The following NME7 variants were observed in gnomAD, a reference collection of about 807,000 sequenced individuals.
NME7 encodes NME/NM23 family member 7.
A neutral mutation model predicts 49.1 loss-of-function variants in NME7; 41 were observed. The ratio of observed to expected loss-of-function variants is 0.83; its 90% confidence interval spans 0.65 to 1.08. The LOEUF is 1.08. Among genes scored for constraint, NME7 ranks in the 50% least tolerant of loss-of-function variants. The pLI is 0.00. For missense variants in NME7, 423 were observed against 463.4 expected, an observed-to-expected ratio of 0.91 and a Z score of 0.80; for synonymous variants, 139 against 150.6, an observed-to-expected ratio of 0.92 and a Z score of 0.56.
chr1:169,197,582 A>G (rs763242664), intron 10 of NME7, among the ~76,000 whole-genome samples: 1 of 152,190 alleles, frequency 6.6e-6, no homozygotes. Context: ...CTGATTTTCA[A>G]CAAAGTTGCC....
intron 10 of NME7, among the ~76,000 whole-genome samples, chr1:169,200,266 A>G (rs1022440548): frequency 6.6e-6 from 1 of 152,150 alleles, no homozygotes. Flanking sequence ...TTTACCAAGA[A>G]TATCATTAAA....
intron 1 of NME7, among the ~76,000 whole-genome samples, chr1:169,350,221 GA>G (rs1364493133): frequency 1.2e-4 from 6 of 51,744 alleles, no homozygotes; most frequent in African/African-American, 4.7e-4. Context: ...AAGAAAGGGA[GA>G]AAAGAAAGAA....
chr1:169,193,423 C>A (rs1660290107), intron 10 of NME7, among the ~76,000 whole-genome samples: 1 of 152,150 alleles, frequency 6.6e-6, no homozygotes, highest in South Asian at 2.1e-4. Flanking sequence ...TGAACTGAAA[C>A]ATGGCACTGG....
At chr1:169,138,974 C>A (rs1658512203) in intron 11 of NME7, among the ~76,000 whole-genome samples, 1 of 152,108 alleles carries the variant, frequency 6.6e-6, no homozygotes. Flanking sequence ...CATTATCTAG[C>A]CCCTTTTGCC....
chr1:169,186,330 G>C (rs957840852), intron 10 of NME7, among the ~76,000 whole-genome samples: 1 of 152,086 alleles, frequency 6.6e-6, no homozygotes, highest in Non-Finnish European at 1.5e-5. Flanking sequence ...TATTTGGACA[G>C]GCTTCATAGG....
At chr1:169,310,435 TA>T (rs1453663639) in intron 3 of NME7, among the ~76,000 whole-genome samples, 1 of 152,210 alleles carries the variant, frequency 6.6e-6, no homozygotes, top group Non-Finnish European at 1.5e-5. Flanking sequence ...TTGCATTAAA[TA>T]TATTATGAGC....
At chr1:169,355,699 T>C (rs1052708556) in intron 1 of NME7, among the ~76,000 whole-genome samples, 2 of 152,054 alleles carry the variant, frequency 1.3e-5, no homozygotes, top group South Asian at 2.1e-4. Flanking sequence ...TCCACTCATA[T>C]GTCAGCAATG....
chr1:169,162,276 CTG>C (rs1659272326), intron 11 of NME7, among the ~76,000 whole-genome samples: 1 of 152,078 alleles, frequency 6.6e-6, no homozygotes. Flanking sequence ...CTGATTTTCT[CTG>C]TGCAGGGGGC....
chr1:169,253,212 T>C lies in NME7; in HGVS notation c.755-15525A>G, dbSNP rs1336244958. 9.7e-3 allele frequency among the ~76,000 whole-genome samples: 1,448 copies of C among 148,884 alleles called. 12 individuals carry two copies. The highest frequency in any genetic ancestry group is 0.034 in the African/African-American group (1,380 of 40,668). ...CCCATGAGCATGGAATGTTCTTCCA[T>C]TTGTTTGTATCCTCTTTTATTTCCT... On this transcript the variant is annotated intron_variant, in intron 7 of 11. Coordinates refer to ENST00000367811, the MANE Select transcript of NME7 (RefSeq NM_013330.5).
chr1:169,360,893 G>T (rs1366478200), intron 1 of NME7, among the ~76,000 whole-genome samples: 1 of 152,126 alleles, frequency 6.6e-6, no homozygotes, highest in East Asian at 1.9e-4. Flanking sequence ...AACAATTAAA[G>T]AGTTTTATCA....
chr1:169,224,983 G>A (rs765800880), intron 10 of NME7, among the ~76,000 whole-genome samples: 6 of 152,062 alleles, frequency 3.9e-5, no homozygotes, highest in Non-Finnish European at 8.8e-5. Context: ...TCAGGTGCTT[G>A]GGCAAAGTTT....
chr1:169,167,772 G>A (rs1047273114), intron 11 of NME7, among the ~76,000 whole-genome samples: 3 of 152,146 alleles, frequency 2.0e-5, no homozygotes, highest in Non-Finnish European at 4.4e-5. Context: ...ATGAATACCA[G>A]CCTATTGGAG....
chr1:169,290,665 C>T (rs12124064), intron 6 of NME7, among the ~76,000 whole-genome samples: 37,766 of 151,842 alleles, frequency 0.25, 5,603 homozygotes, highest in Non-Finnish European at 0.34. Context: ...TTGACAAATG[C>T]GATCTAATTA....
intron 11 of NME7, among the ~76,000 whole-genome samples, chr1:169,162,669 C>A (rs545084789): frequency 1.3e-5 from 2 of 150,212 alleles, no homozygotes; most frequent in South Asian, 4.1e-4. Flanking sequence ...CACGATGAGA[C>A]CCCATCTTTA....
intron 7 of NME7, among the ~76,000 whole-genome samples, chr1:169,275,152 G>T (rs1374453758): frequency 7.6e-6 from 1 of 131,564 alleles, no homozygotes; most frequent in African/African-American, 2.6e-5. Context: ...CTGAGCAATG[G>T]TTTGTAGTTC....
chr1:169,226,281 G>C (rs1012766650), intron 10 of NME7, among the ~76,000 whole-genome samples: 25 of 152,094 alleles, frequency 1.6e-4, no homozygotes, highest in Non-Finnish European at 4.4e-5. Context: ...TCTCTTCCTA[G>C]AGCTAGATCA....
At chr1:169,206,469 T>C (rs1157618420) in intron 10 of NME7, among the ~76,000 whole-genome samples, 2 of 152,052 alleles carry the variant, frequency 1.3e-5, no homozygotes, top group African/African-American at 4.8e-5. Context: ...AGGAAGAAGC[T>C]GTCTTGGGTT....
Position 169,298,712 on chromosome 1 carries a change from T to C in NME7, c.492A>G (p.Leu164=), listed in dbSNP as rs765501705. 1 of 1,613,796 alleles carries C rather than the reference T, an allele frequency of 6.2e-7. No homozygotes were observed. Among genetic ancestry groups the C allele is most frequent in the East Asian group, 2.2e-5 (1 of 44,862 alleles). Residue 164 remains leucine (L), a synonymous_variant, in exon 6 of 12, where the codon TTA becomes TTG. Coordinates refer to ENST00000367811, the MANE Select transcript of NME7 (RefSeq NM_013330.5). The part of the protein sequence containing the change: ...TTGPIIAMEI[L]RDDAICEWKR... ...TCCATTCACATATAGCATCATCTCT[T>C]AAAATCTCCATGGCAATAATAGGAC...
intron 11 of NME7, among the ~76,000 whole-genome samples, chr1:169,147,942 ATAT>A (rs2101817714): frequency 2.0e-5 from 3 of 152,326 alleles, no homozygotes; most frequent in Middle Eastern, 6.8e-3. Flanking sequence ...TGCTCATACA[ATAT>A]TATTTCTTGA....
Sources: allele counts gnomAD v4.1 joint callset (sites outside exome capture counted in the v4.1 genomes callset), GRCh38; gene constraint gnomAD v4.1.1; transcripts MANE v1.5; gene names NCBI Gene and HGNC (gene_info 2026-07-23, HGNC 2026-07-21).